SLC14A2: variants seen among roughly 807,000 people sequenced by gnomAD.
SLC14A2 encodes urea transporter 2.
SLC14A2 carries 91 observed loss-of-function variants against 104.6 expected under a neutral mutation model. The ratio of observed to expected loss-of-function variants is 0.87; its 90% CI spans 0.73 to 1.04. SLC14A2 has a LOEUF of 1.04. Among genes scored for constraint, SLC14A2 ranks in the 50% least tolerant of loss-of-function variants. The pLI is 0.00. For missense variants in SLC14A2, 1,189 were observed against 1,156.0 expected (o/e 1.03, Z -0.41); for synonymous variants, 476 against 466.4 (o/e 1.02, Z -0.27).
At chr18:45,675,704 T>C (rs1385777280) in intron 18 of SLC14A2, among the ~76,000 whole-genome samples, 1 of 65,872 alleles carries the variant, frequency 1.5e-5, no homozygotes, top group East Asian at 8.1e-4. Context: ...TATATATATA[T>C]ATATATTTTT....
chr18:45,616,620 C>A (rs868198021), intron 1 of SLC14A2, among the ~76,000 whole-genome samples: 50 of 152,264 alleles, frequency 3.3e-4, no homozygotes, highest in Admixed American at 5.9e-4. Context: ...AGGTGACCTG[C>A]GTTGGGGAGG....
chr18:45,404,277 C>T (rs138885963), intron 1 of SLC14A2, among the ~76,000 whole-genome samples: 13 of 152,232 alleles, frequency 8.5e-5, no homozygotes, highest in Admixed American at 2.6e-4. Flanking sequence ...TATGGATTAA[C>T]GAGCCTAATG....
the SLC14A2 span, among the ~76,000 whole-genome samples, chr18:45,198,791 A>T: frequency 2.0e-5 from 3 of 152,022 alleles, no homozygotes; most frequent in African/African-American, 7.2e-5. Flanking sequence ...TATCCCTTAG[A>T]TCTCCTCACT....
At chr18:45,435,116 G>A (rs1474498178) in intron 1 of SLC14A2, 1 of 152,184 alleles carries the variant, frequency 6.6e-6, no homozygotes, top group African/African-American at 2.4e-5. Context: ...CTGGAGATAG[G>A]AAGAGAAACT....
At chr18:45,417,033 G>T (rs965348109) in intron 1 of SLC14A2, among the ~76,000 whole-genome samples, 18 of 152,182 alleles carry the variant, frequency 1.2e-4, no homozygotes, top group Admixed American at 1.0e-3. Flanking sequence ...ACCCTAGAAA[G>T]AAAATAATTA....
At chr18:45,227,637 C>T (rs554775358) in intron 1 of SLC14A2, among the ~76,000 whole-genome samples, 1 of 152,310 alleles carries the variant, frequency 6.6e-6, no homozygotes, top group African/African-American at 2.4e-5. Flanking sequence ...TTAGCAAAGC[C>T]TGACTTTTGG....
At chr18:45,467,069 G>A (rs770773214) in intron 1 of SLC14A2, among the ~76,000 whole-genome samples, 6 of 152,158 alleles carry the variant, frequency 3.9e-5, no homozygotes, top group Non-Finnish European at 7.4e-5. Flanking sequence ...AACCCACAGT[G>A]ATGCTGAGTG....
At chr18:45,190,767 T>G in the SLC14A2 span, among the ~76,000 whole-genome samples, 1 of 152,186 alleles carries the variant, frequency 6.6e-6, no homozygotes, top group Non-Finnish European at 1.5e-5. Flanking sequence ...ATCATTTAAT[T>G]GATCAACCAA....
chr18:45,268,316 G>A (rs1174635197), intron 1 of SLC14A2, among the ~76,000 whole-genome samples: 4 of 152,198 alleles, frequency 2.6e-5, no homozygotes, highest in Admixed American at 2.6e-4. Flanking sequence ...AACTATAGGA[G>A]AAGTAGAAGA....
chr18:45,424,622 C>A (rs9957093), intron 1 of SLC14A2, among the ~76,000 whole-genome samples: 103,339 of 152,068 alleles, frequency 0.68, 35,309 homozygotes, highest in Middle Eastern at 0.78. Context: ...AAAGGAGAGC[C>A]ATTTATAATC....
intron 1 of SLC14A2, among the ~76,000 whole-genome samples, chr18:45,369,271 A>T (rs542364025): frequency 6.6e-6 from 1 of 152,204 alleles, no homozygotes; most frequent in Non-Finnish European, 1.5e-5. Flanking sequence ...TTCTTTTCCC[A>T]TATCTTTCTA....
intron 2 of SLC14A2, among the ~76,000 whole-genome samples, chr18:45,595,654 C>T (rs956489504): frequency 6.6e-6 from 1 of 152,138 alleles, no homozygotes; most frequent in African/African-American, 2.4e-5. Context: ...GTGCCTGAAA[C>T]AGCAAAGACT....
At chr18:45,571,429 C>T (rs546831016) in intron 2 of SLC14A2, among the ~76,000 whole-genome samples, 1 of 152,224 alleles carries the variant, frequency 6.6e-6, no homozygotes, top group Non-Finnish European at 1.5e-5. Context: ...GCCACAAAGC[C>T]CTCTAGTTCT....
chr18:45,193,033 T>C, the SLC14A2 span, among the ~76,000 whole-genome samples: 2 of 152,220 alleles, frequency 1.3e-5, no homozygotes, highest in African/African-American at 4.8e-5. Context: ...TTTTAAACCT[T>C]TTGTCTTCTT....
chr18:45,434,946 A>G (rs1240889789), intron 1 of SLC14A2, among the ~76,000 whole-genome samples: 2 of 152,184 alleles, frequency 1.3e-5, no homozygotes, highest in South Asian at 2.1e-4. Context: ...GTTTTTTCCA[A>G]TGGAAGGTTG....
chr18:45,675,699 ATATATATATATT>A (rs1317933598), intron 18 of SLC14A2, among the ~76,000 whole-genome samples: 4 of 62,456 alleles, frequency 6.4e-5, no homozygotes, highest in African/African-American at 2.4e-4. Flanking sequence ...ATATATATAT[ATATATATATATT>A]TTTTTTTTTT....
intron 1 of SLC14A2, among the ~76,000 whole-genome samples, chr18:45,475,154 G>A (rs906664183): frequency 3.3e-5 from 5 of 152,174 alleles, no homozygotes; most frequent in Admixed American, 6.5e-5. Flanking sequence ...TCATTCAGGA[G>A]CAGGTTGTTC....
chr18:45,643,945 A>G (rs755638344), intron 9 of SLC14A2, 41 bp from the exon 10 acceptor site: 1 of 1,589,512 alleles, frequency 6.3e-7, no homozygotes, highest in South Asian at 1.1e-5. Context: ...CAACACAGGA[A>G]ACTAGGAAAC....
chr18:45,605,939 A>G (rs2044860167), intron 2 of SLC14A2, among the ~76,000 whole-genome samples: 1 of 152,160 alleles, frequency 6.6e-6, no homozygotes, highest in Admixed American at 6.5e-5. Context: ...AGACCACTAC[A>G]TGAAAATCTG....
Sources: gnomAD v4.1 joint callset for allele counts (sites outside exome capture counted in the v4.1 genomes callset) on GRCh38, gnomAD v4.1.1 for gene constraint, MANE v1.5 for transcripts, NCBI Gene and HGNC (gene_info 2026-07-23, HGNC 2026-07-21) for gene names.